The following MCMDC2 variants were observed in gnomAD, a reference collection of about 807,000 sequenced individuals.
MCMDC2 encodes minichromosome maintenance domain containing 2, also known as minichromosome maintenance domain-containing protein 2.
Under a neutral mutation model 75.8 loss-of-function variants are expected in MCMDC2, and 54 were observed. That is an observed-to-expected ratio of 0.71 (90% CI 0.57 to 0.89). MCMDC2 has a LOEUF of 0.89. Ranked by LOEUF, MCMDC2 falls within the 40% of genes least tolerant of loss-of-function variation. The pLI is 0.00. For missense variants in MCMDC2, 656 were observed against 780.4 expected (o/e 0.84, Z 1.90); for synonymous variants, 249 against 274.6 (o/e 0.91, Z 0.92).
At chr8:66,880,796 G>C in intron 7 of MCMDC2, 53 bp from the exon 8 acceptor site, 6 of 1,426,648 alleles carry the variant, frequency 4.2e-6, no homozygotes, top group Non-Finnish European at 5.6e-6. Context: ...ATATGTTCAT[G>C]TACAAAGTTC....
downstream of MCMDC2, chr8:66,926,158 C>CA (rs890860665): frequency 2.4e-4 from 37 of 152,094 alleles, no homozygotes; most frequent in African/African-American, 8.7e-4. Context: ...ACAAACAAAC[C>CA]AAAAAACATA....
chr8:66,923,474 G>GT (rs1813623776), downstream of MCMDC2, among the ~76,000 whole-genome samples: 1 of 151,954 alleles, frequency 6.6e-6, no homozygotes, highest in South Asian at 2.1e-4. Flanking sequence ...CACACAATCA[G>GT]TATTAGGAAT....
At position 66,905,230 on chromosome 8, in the gene MCMDC2, T is replaced by C. The variant is rs1296856145; in HGVS notation, c.1774T>C (p.Phe592Leu). ...LSASALKYLV[F>L]LSEAHARLNL... ...GGCAACTATTTTCTTTTTTAGCGTT[T>C]TCCTATCTGAAGCCCATGCACGACT... The change falls in exon 14 of 15, where the codon TTC (phenylalanine) becomes CTC (leucine). Residue 592 changes from phenylalanine (F) to leucine (L), a missense_variant. Physicochemically the swap from Phe to Leu is conservative, Grantham distance 22. Coordinates refer to ENST00000422365, the MANE Select transcript of MCMDC2 (RefSeq NM_173518.5). 7.0e-7 allele frequency: 1 copy of C among 1,428,350 alleles called. No homozygotes were observed. The highest frequency in any genetic ancestry group is 9.2e-7 in the Non-Finnish European group (1 of 1,088,824). The allele number at this position is 1,428,350 out of a possible 1,614,324, so 88.5% of individuals were successfully genotyped here. A position where few individuals can be genotyped will look rare whatever the true frequency, so the allele number is the denominator to read the frequency against.
chr8:66,919,413 A>C lies in MCMDC2; in HGVS notation c.*244A>C, dbSNP rs1813436548. On this transcript the variant is annotated 3_prime_UTR_variant, in exon 15 of 15. Transcript: ENST00000422365. ...ACAATGTGGACAATTTAAAGTGATA[A>C]AGTTGTCAAGGAGAATACTATAAAG... 1 of 275,686 alleles carries C rather than the reference A, an allele frequency of 3.6e-6. No homozygotes were observed. The highest frequency in any genetic ancestry group is 5.2e-5 in the Admixed American group (1 of 19,232). The allele number at this position is 275,686 out of a possible 1,614,324, so 17.1% of individuals were successfully genotyped here. A position where few individuals can be genotyped will look rare whatever the true frequency, so the allele number is the denominator to read the frequency against.
chr8:66,887,116 A>T (rs1157647676), intron 9 of MCMDC2, among the ~76,000 whole-genome samples: 1 of 152,052 alleles, frequency 6.6e-6, no homozygotes, highest in Admixed American at 6.6e-5. Context: ...GTATTATAAA[A>T]TTTTTCTCCA....
chr8:66,881,818 C>T (rs1003815883), intron 8 of MCMDC2, among the ~76,000 whole-genome samples: 1 of 152,210 alleles, frequency 6.6e-6, no homozygotes, highest in Non-Finnish European at 1.5e-5. Flanking sequence ...CTCCAACATG[C>T]GTTAGCATTA....
chr8:66,914,461 TG>T (rs1813233301), intron 14 of MCMDC2, among the ~76,000 whole-genome samples: 1 of 152,140 alleles, frequency 6.6e-6, no homozygotes, highest in African/African-American at 2.4e-5. Flanking sequence ...AGCTGAAGAA[TG>T]AGAAGTCAAA....
chr8:66,872,690 G>C (rs754864891), intron 1 of MCMDC2, among the ~76,000 whole-genome samples: 14 of 152,186 alleles, frequency 9.2e-5, no homozygotes, highest in Middle Eastern at 3.4e-3. Context: ...GGGTGCGGTG[G>C]CTCACGCCTG....
chr8:66,916,327 G>A (rs1236624655), intron 14 of MCMDC2, among the ~76,000 whole-genome samples: 1 of 152,110 alleles, frequency 6.6e-6, no homozygotes, highest in East Asian at 1.9e-4. Flanking sequence ...AACCAAGTAG[G>A]TTTGTAAGTC....
rs1813543637 is a variant in MCMDC2 at position 66,921,793 on chromosome 8, G to C, written c.*2624G>C. ...GGGGAAGCCAGACAGGGAACCTAGA[G>C]GTACAAGCAATGTCTCCCCAGCTGT... On this transcript the variant is annotated 3_prime_UTR_variant, in exon 15 of 15. Coordinates refer to ENST00000422365, the MANE Select transcript of MCMDC2 (RefSeq NM_173518.5). The C allele has an allele frequency of 2.6e-5, 4 of 152,200 alleles. No homozygotes were observed. The highest frequency in any genetic ancestry group is 1.3e-4 in the Admixed American group (2 of 15,276). The allele number at this position is 152,200 out of a possible 1,614,324, so 9.4% of individuals were successfully genotyped here.
At chr8:66,899,887 T>C (rs1478418764) in intron 12 of MCMDC2, among the ~76,000 whole-genome samples, 1 of 149,876 alleles carries the variant, frequency 6.7e-6, no homozygotes, top group East Asian at 2.0e-4. Flanking sequence ...TCTGGGAGGC[T>C]GAGGCGGGCA....
chr8:66,910,402 C>T lies in MCMDC2; in HGVS notation c.1879+5067C>T, dbSNP rs149914718. 2.8e-3 allele frequency among the ~76,000 whole-genome samples: 432 copies of T among 152,358 alleles called. 1 individual carries two copies. The highest frequency in any genetic ancestry group is 4.8e-3 in the Non-Finnish European group (324 of 68,034). ...CCTGTGAAAGCAGTGGGGAGAGGGG[C>T]TGTGCCCTACAAAGCCACGGGGGCA... On this transcript the variant is annotated intron_variant, in intron 14 of 14. Transcript: ENST00000422365.
At chr8:66,910,132 C>T (rs777441570) in intron 14 of MCMDC2, among the ~76,000 whole-genome samples, 6 of 152,212 alleles carry the variant, frequency 3.9e-5, no homozygotes, top group Non-Finnish European at 8.8e-5. Flanking sequence ...AGATTTCAGA[C>T]AAAGTGTGGA....
intron 8 of MCMDC2, among the ~76,000 whole-genome samples, chr8:66,882,430 A>G (rs188480858): frequency 8.2e-4 from 125 of 152,020 alleles, no homozygotes; most frequent in South Asian, 1.7e-3. Context: ...CAGTGACGCA[A>G]TCTCAGCTCA....
intron 4 of MCMDC2, among the ~76,000 whole-genome samples, chr8:66,875,919 C>G (rs939193014): frequency 6.6e-6 from 1 of 152,090 alleles, no homozygotes; most frequent in Non-Finnish European, 1.5e-5. Flanking sequence ...CCTCATATTT[C>G]TAAAATAGAA....
downstream of MCMDC2, among the ~76,000 whole-genome samples, chr8:66,924,606 C>T (rs1479341635): frequency 6.6e-6 from 1 of 151,294 alleles, no homozygotes; most frequent in Non-Finnish European, 1.5e-5. Flanking sequence ...CTGCACTCCA[C>T]CCTGGGCGAC....
At chr8:66,923,110 C>G (rs938313140), downstream of MCMDC2, among the ~76,000 whole-genome samples, 3 of 152,180 alleles carry the variant, frequency 2.0e-5, no homozygotes, top group Non-Finnish European at 4.4e-5. Context: ...ATAGTGAGTA[C>G]ACAGCCGTTG....
At chr8:66,885,390 G>A (rs1811792461) in intron 9 of MCMDC2, among the ~76,000 whole-genome samples, 3 of 149,796 alleles carry the variant, frequency 2.0e-5, no homozygotes. Context: ...ATTTTAATTT[G>A]CATTTATTTA....
At position 66,921,562 on chromosome 8, in the gene MCMDC2, A is replaced by C. The variant is rs1394179861; in HGVS notation, c.*2393A>C. ...AATTCTTGCCAATTTAGTCCTAGAC[A>C]GACTGGTCTGCTCAGTCATTTCTCT... On this transcript the variant is annotated 3_prime_UTR_variant, in exon 15 of 15. Coordinates refer to ENST00000422365, the MANE Select transcript of MCMDC2 (RefSeq NM_173518.5). 3.3e-5 allele frequency: 5 copies of C among 152,258 alleles called. No homozygotes were observed. Among genetic ancestry groups the C allele is most frequent in the Admixed American group, 2.0e-4 (3 of 15,292 alleles). The allele number at this position is 152,258 out of a possible 1,614,324, so 9.4% of individuals were successfully genotyped here.
Sources: gnomAD v4.1 joint callset for allele counts (sites outside exome capture counted in the v4.1 genomes callset) on GRCh38, gnomAD v4.1.1 for gene constraint, MANE v1.5 for transcripts, NCBI Gene and HGNC (gene_info 2026-07-23, HGNC 2026-07-21) for gene names.